Variants in ATP5MG observed in about 807,000 individuals in gnomAD.
ATP5MG encodes ATP synthase membrane subunit g, also known as ATP synthase F(0) complex subunit g, mitochondrial.
A neutral mutation model predicts 12.7 loss-of-function variants in ATP5MG; 7 were observed. That is an observed-to-expected ratio of 0.55 (90% CI 0.31 to 1.04). ATP5MG has a LOEUF of 1.04. Ranked by LOEUF, ATP5MG falls within the 50% of genes least tolerant of loss-of-function variation. The pLI is 0.05. For synonymous variants in ATP5MG, 53 were observed against 48.2 expected (o/e 1.10, Z -0.41); for missense variants, 116 against 126.7 (o/e 0.92, Z 0.41).
intron 1 of ATP5MG, 41 bp from the exon 2 acceptor site, chr11:118,406,896 G>A (rs1555132169): frequency 1.9e-6 from 3 of 1,552,624 alleles, no homozygotes; most frequent in Non-Finnish European, 2.6e-6. Flanking sequence ...TCTCTAGTGA[G>A]TTCATCCTGG....
At position 118,401,625 on chromosome 11, in the gene ATP5MG, C is replaced by T. The variant is rs781907215; in HGVS notation, c.-41C>T. On this transcript the variant is annotated 5_prime_UTR_variant, in exon 1 of 3. Coordinates refer to ENST00000300688, the MANE Select transcript of ATP5MG (RefSeq NM_006476.5). The stretch of plus-strand genomic sequence containing the variant: ...GCGGGTCCTTCCGGCGGGTGACATT[C>T]AGCCGGCGGTTCGGGGCGACGGACT... 2 of 1,613,420 alleles carry T rather than the reference C, an allele frequency of 1.2e-6. No homozygotes were observed. The highest frequency in any genetic ancestry group is 4.5e-5 in the East Asian group (2 of 44,852).
chr11:118,401,676 T>C lies in ATP5MG; in HGVS notation c.11T>C (p.Phe4Ser). The C allele has an allele frequency of 1.2e-6, 2 of 1,614,038 alleles. No individual in the cohort carries two copies. Among genetic ancestry groups the C allele is most frequent in the Non-Finnish European group, 1.7e-6 (2 of 1,179,974 alleles). ...CTCCATTCCAGAACCATGGCCCAAT[T>C]TGTCCGTAACCTTGTGGAGAAGACC... MAQ[F>S]VRNLVEKTPA... Residue 4 changes from phenylalanine to serine, a missense_variant, in exon 1 of 3, where the codon TTT (phenylalanine) becomes TCT (serine). Physicochemically the swap from Phe to Ser is radical, Grantham distance 155 (BLOSUM62 -2). Transcript: ENST00000300688.
At chr11:118,408,608 G>A (rs1014706596) in intron 2 of ATP5MG, among the ~76,000 whole-genome samples, 1 of 152,194 alleles carries the variant, frequency 6.6e-6, no homozygotes, top group South Asian at 2.1e-4. Flanking sequence ...AGACAAAAAT[G>A]TCTATTCAGA....
intron 1 of ATP5MG, chr11:118,406,678 A>T: frequency 2.1e-6 from 1 of 471,798 alleles, no homozygotes; most frequent in Non-Finnish European, 3.9e-6. Flanking sequence ...GCTGGCCACT[A>T]GTGAAGTACT....
chr11:118,401,819 G>T lies in ATP5MG; in HGVS notation c.52+102G>T, dbSNP rs559357590. On this transcript the variant is annotated intron_variant, in intron 1 of 2. Coordinates refer to ENST00000300688, the MANE Select transcript of ATP5MG (RefSeq NM_006476.5). ...GGCTGCGAAGACCCGAGGGGCCTGCGGGTGCCGGGGCGGGATGGCCTGCAG... is the reference window on the plus strand; with the variant it reads ...GGCTGCGAAGACCCGAGGGGCCTGCTGGTGCCGGGGCGGGATGGCCTGCAG... The T allele has an allele frequency of 1.9e-5, 27 of 1,411,682 alleles. No homozygotes were observed. In the East Asian group the frequency reaches 5.6e-4, roughly 29 times the overall value. 87.4% of individuals were successfully genotyped at this position (1,411,682 alleles called of 1,614,324 possible). A position where few individuals can be genotyped will look rare whatever the true frequency, so the allele number is the denominator to read the frequency against.
At chr11:118,406,835 G>C (rs1228237123) in intron 1 of ATP5MG, 102 bp from the exon 2 acceptor site, 2 of 1,483,800 alleles carry the variant, frequency 1.3e-6, no homozygotes, top group Non-Finnish European at 1.8e-6. Flanking sequence ...GTGAATGAAG[G>C]TGATGCATGA....
chr11:118,403,963 C>T (rs890497097), intron 1 of ATP5MG: 2 of 151,798 alleles, frequency 1.3e-5, no homozygotes, highest in Non-Finnish European at 2.9e-5. Context: ...TTTTTGTGAT[C>T]TAAAAAGAAA....
intron 1 of ATP5MG, 31 bp from the exon 2 acceptor site, chr11:118,406,906 G>A: frequency 6.4e-7 from 1 of 1,560,742 alleles, no homozygotes. Flanking sequence ...GTTCATCCTG[G>A]TTTTTTGTTT....
At chr11:118,402,856 C>T (rs1233167576) in intron 1 of ATP5MG, among the ~76,000 whole-genome samples, 1 of 151,958 alleles carries the variant, frequency 6.6e-6, no homozygotes, top group African/African-American at 2.4e-5. Flanking sequence ...CGCACCACCA[C>T]ACCCAGCTAA....
intron 2 of ATP5MG, among the ~76,000 whole-genome samples, chr11:118,408,156 C>T (rs1054633456): frequency 3.3e-5 from 5 of 151,288 alleles, no homozygotes; most frequent in East Asian, 1.9e-4. Flanking sequence ...AGCGAGACTC[C>T]ATCTCAAAAA....
chr11:118,409,072 C>G lies in ATP5MG; in HGVS notation c.286C>G (p.Arg96Gly). The G allele has an allele frequency of 2.5e-6, 4 of 1,605,948 alleles. No individual in the cohort carries two copies. The highest frequency in any genetic ancestry group is 3.4e-6 in the Non-Finnish European group (4 of 1,175,836). ...WFYVGEIIGK[R>G]GIIGYDV is the part of the protein sequence containing the mutation. ...TTATGTCGGAGAGATTATAGGCAAG[C>G]GGGGCATCATTGGCTATGATGTTTG... Residue 96 changes from arginine (R) to glycine (G), a missense_variant, in exon 3 of 3, where the codon CGG (arginine) becomes GGG (glycine). Arg to Gly is a moderately radical substitution (Grantham distance 125, BLOSUM62 -2). Coordinates refer to ENST00000300688, the MANE Select transcript of ATP5MG (RefSeq NM_006476.5).
Position 118,401,717 on chromosome 11 carries a change from G to A in ATP5MG, c.52G>A (p.Ala18Thr), listed in dbSNP as rs1948928380. ...GGAGAAGACCCCGGCGCTGGTGAAC[G>A]GTGAGCGCGATGTGAGACCGCCGAG... Reference protein sequence around the residue: ...LVEKTPALVNAAVTYSKPRLA... With the variant: ...LVEKTPALVNTAVTYSKPRLA... Residue 18 changes from alanine (A) to threonine (T), a missense_variant and splice_region_variant, in exon 1 of 3, where the codon GCT (alanine) becomes ACT (threonine). Physicochemically the swap from Ala to Thr is moderately conservative, Grantham distance 58. Coordinates refer to ENST00000300688, the MANE Select transcript of ATP5MG (RefSeq NM_006476.5). The A allele has an allele frequency of 6.2e-7, 1 of 1,612,834 alleles. No individual in the cohort carries two copies. The highest frequency in any genetic ancestry group is 1.7e-5 in the Admixed American group (1 of 59,930).
intron 2 of ATP5MG, among the ~76,000 whole-genome samples, chr11:118,407,773 G>A (rs1948985095): frequency 6.6e-6 from 1 of 152,134 alleles, no homozygotes; most frequent in Non-Finnish European, 1.5e-5. Flanking sequence ...TTGGGAGGCT[G>A]AGGCGAGAGG....
intron 1 of ATP5MG, chr11:118,405,837 A>G (rs1555131998): frequency 3.2e-6 from 1 of 313,890 alleles, no homozygotes; most frequent in Non-Finnish European, 4.6e-6. Context: ...TAGACACTTT[A>G]TGGGCTTTCA....
At chr11:118,405,743 G>A in intron 1 of ATP5MG, 1 of 980,124 alleles carries the variant, frequency 1.0e-6, no homozygotes, top group Non-Finnish European at 1.2e-6. Flanking sequence ...GAAGATGAGG[G>A]AGATAGTAAT....
rs549715449 is a variant in ATP5MG, at chr11:118,406,805, G to C, written c.53-132G>C. 2.9e-6 allele frequency: 4 copies of C among 1,356,634 alleles called. No homozygotes were observed. In the East Asian group the frequency reaches 7.6e-5, roughly 26 times the overall value. 84.0% of individuals were successfully genotyped at this position (1,356,634 alleles called of 1,614,324 possible). A position where few individuals can be genotyped will look rare whatever the true frequency, so the allele number is the denominator to read the frequency against. Reference sequence around the variant, plus strand: ...GAGCAGCTTTGACTTTTCACACCGGGTGCACATTTGGTACAAGCAGTGAAT... The same window carrying C: ...GAGCAGCTTTGACTTTTCACACCGGCTGCACATTTGGTACAAGCAGTGAAT... On this transcript the variant is annotated intron_variant, in intron 1 of 2. Coordinates refer to ENST00000300688, the MANE Select transcript of ATP5MG (RefSeq NM_006476.5).
Position 118,406,929 on chromosome 11 carries a change from T to G in ATP5MG, c.53-8T>G. The G allele has an allele frequency of 6.3e-7, 1 of 1,588,970 alleles. No individual in the cohort carries two copies. Among genetic ancestry groups the G allele is most frequent in the Non-Finnish European group, 8.6e-7 (1 of 1,167,590 alleles). Reference sequence around the variant, plus strand: ...TGGTTTTTTGTTTTGTTTTGTTTTGTTTTCCAGCTGCTGTGACTTACTCGA... The same window carrying G: ...TGGTTTTTTGTTTTGTTTTGTTTTGGTTTCCAGCTGCTGTGACTTACTCGA... On this transcript the variant is annotated splice_region_variant and splice_polypyrimidine_tract_variant and intron_variant, in intron 1 of 2. Transcript: ENST00000300688.
chr11:118,408,962 TA>T, intron 2 of ATP5MG, 37 bp from the exon 3 acceptor site: 1 of 737,456 alleles, frequency 1.4e-6, no homozygotes, highest in Non-Finnish European at 2.1e-6. Flanking sequence ...TATATATATA[TA>T]TAAAAGGTAC....
chr11:118,407,191 A>G (rs1555132266), intron 2 of ATP5MG, 94 bp downstream of exon 2: 3 of 1,532,802 alleles, frequency 2.0e-6, no homozygotes, highest in Non-Finnish European at 1.8e-6. Flanking sequence ...TATGTTTCCA[A>G]TGAGGCTGAA....
Sources: allele counts gnomAD v4.1 joint callset (sites outside exome capture counted in the v4.1 genomes callset), GRCh38; gene constraint gnomAD v4.1.1; transcripts MANE v1.5; gene names NCBI Gene and HGNC (gene_info 2026-07-23, HGNC 2026-07-21).